CEP76: variants seen among roughly 807,000 people sequenced by gnomAD.
CEP76 encodes centrosomal protein of 76 kDa.
In CEP76, 55 loss-of-function variants were observed where a neutral mutation model predicts 83.3. The ratio of observed to expected loss-of-function variants is 0.66; its 90% CI spans 0.53 to 0.83. CEP76 has a LOEUF of 0.83. Among genes scored for constraint, CEP76 ranks in the 40% least tolerant of loss-of-function variants. CEP76 has a pLI of 0.00. For synonymous variants in CEP76, 270 were observed against 274.5 expected (o/e 0.98, Z 0.16); for missense variants, 694 against 799.5 (o/e 0.87, Z 1.59).
chr18:12,668,797 G>GA (rs1289806781), downstream of CEP76, among the ~76,000 whole-genome samples: 1 of 130,942 alleles, frequency 7.6e-6, no homozygotes, highest in East Asian at 2.4e-4. Flanking sequence ...GGAGTGTAGT[G>GA]GAGAGCAATC....
intron 9 of CEP76, among the ~76,000 whole-genome samples, chr18:12,678,657 A>G (rs1442719169): frequency 6.6e-6 from 1 of 152,160 alleles, no homozygotes; most frequent in Admixed American, 6.6e-5. Flanking sequence ...TAACAACAGA[A>G]TACATTCTAT....
intron 9 of CEP76, among the ~76,000 whole-genome samples, chr18:12,679,974 A>G (rs2039286873): frequency 6.6e-6 from 1 of 151,730 alleles, no homozygotes; most frequent in Non-Finnish European, 1.5e-5. Context: ...GAGGACCACC[A>G]GAACCCAGGA....
chr18:12,697,461 A>T (rs752143078), intron 4 of CEP76, 53 bp from the exon 5 acceptor site: 20 of 1,151,402 alleles, frequency 1.7e-5, no homozygotes, highest in Non-Finnish European at 2.3e-5. Flanking sequence ...CAGTTAGGCC[A>T]ACATAAAAGA....
downstream of CEP76, among the ~76,000 whole-genome samples, chr18:12,668,373 C>CTTGAGATCAGGAGT (rs922917618): frequency 6.6e-6 from 1 of 151,978 alleles, no homozygotes; most frequent in African/African-American, 2.4e-5. Flanking sequence ...GGGCAGATCA[C>CTTGAGATCAGGAGT]TTGAGATCAG....
intron 10 of CEP76, among the ~76,000 whole-genome samples, chr18:12,675,161 C>A (rs943881348): frequency 3.3e-5 from 5 of 152,162 alleles, no homozygotes; most frequent in Admixed American, 6.5e-5. Context: ...GTTTGGGAGG[C>A]TGAGGTGGGC....
chr18:12,677,991 A>C, intron 10 of CEP76, 118 bp downstream of exon 10: 1 of 700,186 alleles, frequency 1.4e-6, no homozygotes. Flanking sequence ...AATAGTAGGG[A>C]CTGTAGTTGT....
exon 13 of CEP76, chr18:12,662,084 C>G (rs1016367403): frequency 1.2e-5 from 5 of 419,130 alleles, no homozygotes; most frequent in African/African-American, 2.1e-5. Context: ...CTGTGCTGCT[C>G]TGAGTCTTTC....
intron 10 of CEP76, among the ~76,000 whole-genome samples, chr18:12,675,425 A>G (rs1013136005): frequency 1.3e-5 from 2 of 152,052 alleles, no homozygotes; most frequent in Non-Finnish European, 2.9e-5. Flanking sequence ...AATAAATAAA[A>G]AAGAGTTTAG....
In CEP76 at chr18:12,686,436, T is replaced by A. The variant is rs191879338; in HGVS notation, c.948A>T (p.Ile316=). 120 of 1,609,666 alleles carry A rather than the reference T, an allele frequency of 7.5e-5. 1 individual carries two copies. The Middle Eastern group carries it at 8.3e-4, about 11-fold the overall frequency. ...TAACATAGGAACAGACTGGTCTATTTATCCCATTTTCATCCTAGGGAAAAG... is the reference window on the plus strand; with the variant it reads ...TAACATAGGAACAGACTGGTCTATTAATCCCATTTTCATCCTAGGGAAAAG... The part of the protein sequence containing the change: ...VKIFAQDENG[I]NRPVCSYVKP... The change falls in exon 8 of 12, where the codon ATA becomes ATT. Residue 316 remains isoleucine (I), a synonymous_variant. Coordinates refer to ENST00000262127, the MANE Select transcript of CEP76 (RefSeq NM_024899.4).
chr18:12,673,027 A>G lies in CEP76; in HGVS notation c.*338T>C, dbSNP rs1292716989. The G allele has an allele frequency of 9.9e-7, 1 of 1,014,550 alleles. No individual in the cohort carries two copies. Among genetic ancestry groups the G allele is most frequent in the Non-Finnish European group, 1.2e-6 (1 of 849,788 alleles). 62.8% of individuals were successfully genotyped at this position (1,014,550 alleles called of 1,614,324 possible). On this transcript the variant is annotated 3_prime_UTR_variant, in exon 12 of 12. Coordinates refer to ENST00000262127, the MANE Select transcript of CEP76 (RefSeq NM_024899.4). ...GTCTAGGGCTCAAACCCTTAGACAA[A>G]CATCTCTTTGATTACCTGTTTGTGT...
In CEP76 at chr18:12,701,369, G is replaced by A. The variant is rs545093910; in HGVS notation, c.64-256C>T. Among the ~76,000 whole-genome samples, 9 of 152,264 alleles carry A rather than the reference G, an allele frequency of 5.9e-5. No homozygotes were observed. The South Asian group carries it at 1.9e-3, about 32-fold the overall frequency. ...AAGGAATCTTCTGAGAGGGAGTATA[G>A]TATAATCAGAAGAACACGGACTGGG... On this transcript the variant is annotated intron_variant, in intron 1 of 11. Transcript: ENST00000262127.
downstream of CEP76, among the ~76,000 whole-genome samples, chr18:12,669,005 C>T (rs2038869993): frequency 7.2e-6 from 1 of 139,094 alleles, no homozygotes; most frequent in African/African-American, 2.7e-5. Flanking sequence ...CTCCCAATTA[C>T]AGGCTTGAGC....
At chr18:12,684,080 A>G (rs1282706582) in intron 8 of CEP76, among the ~76,000 whole-genome samples, 1 of 151,164 alleles carries the variant, frequency 6.6e-6, no homozygotes, top group Non-Finnish European at 1.5e-5. Context: ...TTTGGAGTGC[A>G]GTGGCGCGAT....
intron 6 of CEP76, among the ~76,000 whole-genome samples, chr18:12,694,652 C>T (rs900776394): frequency 3.3e-5 from 5 of 152,142 alleles, no homozygotes; most frequent in Non-Finnish European, 5.9e-5. Context: ...GTTAAAATCC[C>T]ATCCCACTGA....
chr18:12,694,085 T>A (rs1309102922), intron 6 of CEP76, among the ~76,000 whole-genome samples: 1 of 152,200 alleles, frequency 6.6e-6, no homozygotes, highest in Non-Finnish European at 1.5e-5. Context: ...TCCACCCACC[T>A]TAGCCTCCCA....
chr18:12,699,453 A>G (rs1247728752), intron 3 of CEP76, among the ~76,000 whole-genome samples: 1 of 152,172 alleles, frequency 6.6e-6, no homozygotes, highest in Admixed American at 6.5e-5. Context: ...AAGGCATCAG[A>G]GCCAATATGT....
intron 7 of CEP76, among the ~76,000 whole-genome samples, chr18:12,690,437 C>A (rs528777925): frequency 6.6e-6 from 1 of 151,854 alleles, no homozygotes; most frequent in Non-Finnish European, 1.5e-5. Flanking sequence ...ACAAAAAATA[C>A]GTGAACCTGA....
Position 12,674,547 on chromosome 18 carries a change from G to C in CEP76, c.1830C>G (p.Ala610=), listed in dbSNP as rs752769881. Residue 610 remains alanine, a synonymous_variant, in exon 11 of 12, where the codon GCC becomes GCG. Coordinates refer to ENST00000262127, the MANE Select transcript of CEP76 (RefSeq NM_024899.4). ...AAATTACACCTTACCGAAGACATGT[G>C]GCAAATGCACGTCTTGCATTTCTAT... ...FVYRNARRAF[A]TCLRSPFCEE... 4 of 1,611,530 alleles carry C rather than the reference G, an allele frequency of 2.5e-6. No individual in the cohort carries two copies. Among genetic ancestry groups the C allele is most frequent in the Non-Finnish European group, 3.4e-6 (4 of 1,177,848 alleles).
Position 12,686,321 on chromosome 18 carries a change from C to T in CEP76, c.1063G>A (p.Gly355Arg). ...VLGYERAPVIGGGGKQEQWCT... is the reference protein window; with the variant it reads ...VLGYERAPVIRGGGKQEQWCT... Reference sequence around the variant, plus strand: ...CACTGCTCCTGTTTACCTCCTCCTCCAATAACAGGGGCTCGTTCATAACCA... The same window carrying T: ...CACTGCTCCTGTTTACCTCCTCCTCTAATAACAGGGGCTCGTTCATAACCA... Residue 355 changes from glycine (G) to arginine (R), a missense_variant, in exon 8 of 12, where the codon GGA becomes AGA. Physicochemically the swap from Gly to Arg is moderately radical, Grantham distance 125 (BLOSUM62 -2). Transcript: ENST00000262127. The T allele has an allele frequency of 1.2e-6, 2 of 1,614,066 alleles. No homozygotes were observed. Among genetic ancestry groups the T allele is most frequent in the South Asian group, 2.2e-5 (2 of 91,072 alleles).
Sources: allele counts gnomAD v4.1 joint callset (sites outside exome capture counted in the v4.1 genomes callset), GRCh38; gene constraint gnomAD v4.1.1; transcripts MANE v1.5; gene names NCBI Gene and HGNC (gene_info 2026-07-23, HGNC 2026-07-21).